The following DERL1 variants were observed in gnomAD, a reference collection of about 807,000 sequenced individuals.
The protein encoded by DERL1 is derlin-1.
Under a neutral mutation model 41.6 loss-of-function variants are expected in DERL1, and 24 were observed. The observed-to-expected ratio is 0.58, with a 90% CI of 0.42 to 0.81. DERL1 has a LOEUF of 0.81. Ranked by LOEUF, DERL1 falls within the 30% of genes least tolerant of loss-of-function variation. DERL1 has a pLI of 0.00. For missense variants in DERL1, 260 were observed against 314.3 expected (o/e 0.83, Z 1.31); for synonymous variants, 124 against 112.5 (o/e 1.10, Z -0.65).
At chr8:123,041,505 C>T (rs1487169697) in intron 1 of DERL1, among the ~76,000 whole-genome samples, 2 of 152,168 alleles carry the variant, frequency 1.3e-5, no homozygotes, top group Non-Finnish European at 2.9e-5. Flanking sequence ...GACTTTAAAT[C>T]ACTCCTATAG....
intron 1 of DERL1, among the ~76,000 whole-genome samples, chr8:123,034,771 T>C (rs1018806067): frequency 2.0e-5 from 3 of 152,178 alleles, no homozygotes; most frequent in African/African-American, 4.8e-5. Context: ...TAATTCTCTG[T>C]GCTTAAGAAA....
At chr8:123,031,223 AAAAC>A (rs1206980551) in intron 1 of DERL1, among the ~76,000 whole-genome samples, 1 of 152,202 alleles carries the variant, frequency 6.6e-6, no homozygotes, top group Non-Finnish European at 1.5e-5. Flanking sequence ...TTTCCCTGAA[AAAAC>A]AAACAAAACA....
chr8:123,028,305 C>T (rs750643004), intron 2 of DERL1, among the ~76,000 whole-genome samples: 5 of 152,028 alleles, frequency 3.3e-5, no homozygotes, highest in South Asian at 2.1e-4. Flanking sequence ...AGGAGGGGTT[C>T]GTACTGACAC....
chr8:123,023,760 A>C, intron 3 of DERL1, 21 bp from the exon 4 acceptor site: 3 of 1,610,352 alleles, frequency 1.9e-6, no homozygotes, highest in Non-Finnish European at 2.5e-6. Context: ...AAAGTTAAAG[A>C]TCAGACATAA....
intron 3 of DERL1, 27 bp from the exon 4 acceptor site, chr8:123,023,766 C>A (rs777615772): frequency 6.2e-7 from 1 of 1,608,742 alleles, no homozygotes; most frequent in South Asian, 1.1e-5. Flanking sequence ...AAAGATCAGA[C>A]ATAAAAAAGC....
chr8:123,037,040 C>T (rs911201594), intron 1 of DERL1, among the ~76,000 whole-genome samples: 2 of 152,156 alleles, frequency 1.3e-5, no homozygotes, highest in Non-Finnish European at 2.9e-5. Flanking sequence ...GAATAATCAT[C>T]CAGCAGTTAC....
chr8:123,015,324 T>C lies in DERL1; in HGVS notation c.*123A>G, dbSNP rs1814529886. The C allele has an allele frequency of 8.0e-7, 1 of 1,252,136 alleles. No individual in the cohort carries two copies. The highest frequency in any genetic ancestry group is 1.1e-6 in the Non-Finnish European group (1 of 931,610). 77.6% of individuals were successfully genotyped at this position (1,252,136 alleles called of 1,614,324 possible). A position where few individuals can be genotyped will look rare whatever the true frequency, so the allele number is the denominator to read the frequency against. ...TCGGGATTTAAGAAACTTTGTCTCGTACTGAAAGACTACATTCAGTGTGGG... is the reference window on the plus strand; with the variant it reads ...TCGGGATTTAAGAAACTTTGTCTCGCACTGAAAGACTACATTCAGTGTGGG... On this transcript the variant is annotated 3_prime_UTR_variant, in exon 8 of 8. Coordinates refer to ENST00000259512, the MANE Select transcript of DERL1 (RefSeq NM_024295.6).
At chr8:123,039,852 G>A (rs1229262257) in intron 1 of DERL1, among the ~76,000 whole-genome samples, 3 of 152,164 alleles carry the variant, frequency 2.0e-5, no homozygotes, top group African/African-American at 7.2e-5. Flanking sequence ...AGTGGTGAAC[G>A]GCTCTCATGG....
chr8:123,026,589 G>A (rs1006054295), intron 2 of DERL1, among the ~76,000 whole-genome samples: 1 of 152,150 alleles, frequency 6.6e-6, no homozygotes, highest in Non-Finnish European at 1.5e-5. Flanking sequence ...CAGAAAACTG[G>A]GGATCAGTGA....
At position 123,013,688 on chromosome 8, in the gene DERL1, A is replaced by G. The variant is rs574010763; in HGVS notation, c.*1759T>C. ...GCTGACTGGTAAGAGGGTACACCAGAGACTCCGGGTCACTCACTGTCAGAA... is the reference window on the plus strand; with the variant it reads ...GCTGACTGGTAAGAGGGTACACCAGGGACTCCGGGTCACTCACTGTCAGAA... On this transcript the variant is annotated 3_prime_UTR_variant, in exon 8 of 8. Coordinates refer to ENST00000259512, the MANE Select transcript of DERL1 (RefSeq NM_024295.6). 1 of 152,358 alleles carries G rather than the reference A, an allele frequency of 6.6e-6. No homozygotes were observed. Among genetic ancestry groups the G allele is most frequent in the South Asian group, 2.1e-4 (1 of 4,824 alleles). The allele number at this position is 152,358 out of a possible 1,614,324, so 9.4% of individuals were successfully genotyped here.
chr8:123,022,625 C>A (rs976023509), intron 5 of DERL1, 59 bp downstream of exon 5: 78 of 1,526,974 alleles, frequency 5.1e-5, no homozygotes, highest in Non-Finnish European at 6.9e-5. Flanking sequence ...CATCTCTGGA[C>A]TGAAGAGGGA....
In DERL1 at chr8:123,014,555, G is replaced by A. The variant is rs1423403531; in HGVS notation, c.*892C>T. On this transcript the variant is annotated 3_prime_UTR_variant, in exon 8 of 8. Transcript: ENST00000259512. ...AGCCTCTCAAAGAGAGCATCTCCCT[G>A]TAGCCAACATGATCTGGATCCTCCT... 1 of 152,590 alleles carries A rather than the reference G, an allele frequency of 6.6e-6. No homozygotes were observed. The highest frequency in any genetic ancestry group is 2.4e-5 in the African/African-American group (1 of 41,440). The allele number at this position is 152,590 out of a possible 1,614,324, so 9.5% of individuals were successfully genotyped here.
chr8:123,041,647 G>C (rs956197044), intron 1 of DERL1, among the ~76,000 whole-genome samples: 2 of 152,194 alleles, frequency 1.3e-5, no homozygotes, highest in Admixed American at 1.3e-4. Flanking sequence ...GGACCTAATC[G>C]CCAGCGTCCA....
intron 1 of DERL1, 100 bp from the exon 2 acceptor site, chr8:123,030,816 G>T: frequency 1.2e-6 from 1 of 813,238 alleles, no homozygotes; most frequent in Non-Finnish European, 2.0e-6. Flanking sequence ...TCCTCAATGA[G>T]AGGTGTGAAA....
intron 7 of DERL1, 85 bp from the exon 8 acceptor site, chr8:123,015,670 C>A: frequency 6.8e-7 from 1 of 1,475,322 alleles, no homozygotes; most frequent in South Asian, 1.4e-5. Flanking sequence ...GAACACCTCC[C>A]TCTCCTGCTG....
rs575426208 is a variant in DERL1, at chr8:123,013,775, G to A, written c.*1672C>T. 6.6e-6 allele frequency: 1 copy of A among 152,166 alleles called. No homozygotes were observed. Among genetic ancestry groups the A allele is most frequent in the Non-Finnish European group, 1.5e-5 (1 of 68,034 alleles). The allele number at this position is 152,166 out of a possible 1,614,324, so 9.4% of individuals were successfully genotyped here. A position where few individuals can be genotyped will look rare whatever the true frequency, so the allele number is the denominator to read the frequency against. ...AATGAGTGTACGTGCAACATAATTG[G>A]AGTAATGGCCTCTAAAATTTTACAA... On this transcript the variant is annotated 3_prime_UTR_variant, in exon 8 of 8. Transcript: ENST00000259512.
chr8:123,021,835 G>C (rs1047792353), intron 5 of DERL1, among the ~76,000 whole-genome samples: 14 of 152,138 alleles, frequency 9.2e-5, no homozygotes, highest in African/African-American at 3.4e-4. Flanking sequence ...AGGCCCATGA[G>C]AGAATCACAC....
At chr8:123,038,631 C>T (rs1812981727) in intron 1 of DERL1, among the ~76,000 whole-genome samples, 1 of 152,164 alleles carries the variant, frequency 6.6e-6, no homozygotes, top group Non-Finnish European at 1.5e-5. Context: ...TGCTTATTTA[C>T]ATCGTGTAGT....
chr8:123,024,956 T>G, intron 3 of DERL1, 30 bp downstream of exon 3: 1 of 1,606,466 alleles, frequency 6.2e-7, no homozygotes, highest in Non-Finnish European at 8.5e-7. Context: ...CTGGTTTATT[T>G]CTGGCCCAAA....
Sources: allele counts gnomAD v4.1 joint callset (sites outside exome capture counted in the v4.1 genomes callset), GRCh38; gene constraint gnomAD v4.1.1; transcripts MANE v1.5; gene names NCBI Gene and HGNC (gene_info 2026-07-23, HGNC 2026-07-21).